TAOK3: variants seen among roughly 807,000 people sequenced by gnomAD.
TAOK3 encodes the protein serine/threonine-protein kinase TAO3.
TAOK3 carries 40 observed loss-of-function variants against 120.4 expected under a neutral mutation model. The observed-to-expected ratio is 0.33, with a 90% CI of 0.26 to 0.43. The LOEUF (loss-of-function observed/expected upper bound fraction) is 0.43, where lower values mean the gene tolerates loss of function less well. TAOK3 is among the 20% of genes least tolerant of loss of function. The pLI is 1.00. For synonymous variants in TAOK3, 355 were observed against 387.5 expected, an observed-to-expected ratio of 0.92 and a Z score of 0.99; for missense variants, 821 against 1,112.1, an observed-to-expected ratio of 0.74 and a Z score of 3.72.
intron 1 of TAOK3, among the ~76,000 whole-genome samples, chr12:118,340,312 A>AAAAGT (rs1241330505): frequency 6.6e-6 from 1 of 152,222 alleles, no homozygotes; most frequent in Non-Finnish European, 1.5e-5. Flanking sequence ...GAAAGGGAAG[A>AAAAGT]AAAGTAAAGG....
chr12:118,308,967 T>A (rs2043160166), intron 1 of TAOK3, among the ~76,000 whole-genome samples: 1 of 139,658 alleles, frequency 7.2e-6, no homozygotes, highest in Non-Finnish European at 1.5e-5. Flanking sequence ...AAAGCCTGTA[T>A]GGTTGTAATT....
Position 118,161,033 on chromosome 12 carries a change from G to A in TAOK3, c.2140-675C>T, listed in dbSNP as rs2035186665. Among the ~76,000 whole-genome samples the A allele has an allele frequency of 6.6e-6, 1 of 152,200 alleles. No homozygotes were observed. The highest frequency in any genetic ancestry group is 2.4e-5 in the African/African-American group (1 of 41,436). On this transcript the variant is annotated intron_variant, in intron 18 of 20. Transcript: ENST00000392533. The surrounding 1 kb of genome is among the most constrained non-coding windows in gnomAD (Gnocchi z 4.5). ...GAGTATATTATTTTGAGCCCAGAAG[G>A]CATTCCATCAGGTTGCCCCACAGTC...
chr12:118,273,634 G>T (rs1006394379), intron 1 of TAOK3, among the ~76,000 whole-genome samples: 1 of 152,128 alleles, frequency 6.6e-6, no homozygotes, highest in African/African-American at 2.4e-5. Flanking sequence ...GGTCAACATG[G>T]TAAAACCCGT....
chr12:118,280,726 C>A (rs2042070588), intron 1 of TAOK3, among the ~76,000 whole-genome samples: 2 of 152,182 alleles, frequency 1.3e-5, no homozygotes, highest in African/African-American at 4.8e-5. Context: ...GTTTCTAATT[C>A]TGTGAAGAAT....
At chr12:118,349,822 C>T (rs2045056963) in intron 1 of TAOK3, among the ~76,000 whole-genome samples, 1 of 152,074 alleles carries the variant, frequency 6.6e-6, no homozygotes, top group Non-Finnish European at 1.5e-5. Flanking sequence ...ATGACAGCTT[C>T]AATTTGTGGT....
intron 17 of TAOK3, among the ~76,000 whole-genome samples, chr12:118,163,868 C>T (rs1415381798): frequency 6.6e-6 from 1 of 152,066 alleles, no homozygotes. Flanking sequence ...CATGCCACCA[C>T]GCCTGGCTAA....
intron 13 of TAOK3, among the ~76,000 whole-genome samples, chr12:118,191,093 TTTC>T (rs2037409464): frequency 6.6e-6 from 1 of 152,232 alleles, no homozygotes. Flanking sequence ...TAATGGCTTT[TTTC>T]TTCATCAGGA....
At position 118,230,460 on chromosome 12, in the gene TAOK3, G is replaced by GTT. The variant is rs71069433; in HGVS notation, c.643+3212_643+3213dup. 6.2e-3 allele frequency among the ~76,000 whole-genome samples: 311 copies of GTT among 50,058 alleles called. 82 individuals are homozygous for GTT. Among genetic ancestry groups the GTT allele is most frequent in the Non-Finnish European group, 8.4e-3 (232 of 27,616 alleles). 32.8% of individuals were successfully genotyped at this position (50,058 alleles called of 152,430 possible). A position where few individuals can be genotyped will look rare whatever the true frequency, so the allele number is the denominator to read the frequency against. On this transcript the variant is annotated intron_variant, in intron 9 of 20. Transcript: ENST00000392533. ...GACTTCTGGGATTACCCTGTGAAGTGTTTTTTTTTTTTTTTTTTTTTTTTT... is the reference window on the plus strand; with the variant it reads ...GACTTCTGGGATTACCCTGTGAAGTGTTTTTTTTTTTTTTTTTTTTTTTTTTT...
In TAOK3 at chr12:118,305,777, G is replaced by A. The variant is rs551583393; in HGVS notation, c.-193-39018C>T. 5.3e-5 allele frequency among the ~76,000 whole-genome samples: 8 copies of A among 151,542 alleles called. No homozygotes were observed. The South Asian group carries it at 1.7e-3, about 32-fold the overall frequency. On this transcript the variant is annotated intron_variant, in intron 1 of 20. Transcript: ENST00000392533. ...AAATTAGCAGGGTGTGGTGGCGGGT[G>A]CCTGTAATCCCAGCTATTTGGGAGG...
chr12:118,217,730 CTATA>C (rs1212461956), intron 9 of TAOK3, among the ~76,000 whole-genome samples: 16 of 143,420 alleles, frequency 1.1e-4, no homozygotes, highest in Non-Finnish European at 1.8e-4. Context: ...TAGTCTCTCT[CTATA>C]TATAGACAGT....
intron 13 of TAOK3, among the ~76,000 whole-genome samples, chr12:118,197,382 G>C (rs774670664): frequency 2.6e-5 from 4 of 152,060 alleles, no homozygotes; most frequent in Non-Finnish European, 5.9e-5. Context: ...CACACATCAG[G>C]GAGAGAAAAG....
chr12:118,219,952 C>T (rs954725445), intron 9 of TAOK3, among the ~76,000 whole-genome samples: 2 of 150,334 alleles, frequency 1.3e-5, no homozygotes, highest in African/African-American at 4.9e-5. Flanking sequence ...TCTTTCCTCC[C>T]TCTCTCCAAC....
chr12:118,363,018 C>CAAAAAAAAAAAAAAAAAAAAA (rs60475060), intron 1 of TAOK3, among the ~76,000 whole-genome samples: 31 of 45,890 alleles, frequency 6.8e-4, no homozygotes, highest in South Asian at 9.6e-4. Flanking sequence ...GACTCCGTAT[C>CAAAAAAAAAAAAAAAAAAAAA]AAAAAAAAAA....
intron 11 of TAOK3, among the ~76,000 whole-genome samples, chr12:118,211,512 C>T (rs1190506610): frequency 6.6e-6 from 1 of 151,246 alleles, no homozygotes; most frequent in Non-Finnish European, 1.5e-5. Flanking sequence ...TATGTTTTTT[C>T]TCTTCCATTT....
At chr12:118,298,650 A>G (rs1407132620) in intron 1 of TAOK3, among the ~76,000 whole-genome samples, 3 of 152,220 alleles carry the variant, frequency 2.0e-5, no homozygotes, top group Admixed American at 6.5e-5. Flanking sequence ...AGTAACAATA[A>G]TGAAGACAAA....
intron 1 of TAOK3, among the ~76,000 whole-genome samples, chr12:118,358,463 A>C (rs916837711): frequency 2.0e-5 from 3 of 152,222 alleles, no homozygotes; most frequent in Non-Finnish European, 2.9e-5. Context: ...GTTACTTTTA[A>C]AGATCTCTAG....
At chr12:118,162,683 G>A (rs140025506) in intron 17 of TAOK3, among the ~76,000 whole-genome samples, 3 of 152,114 alleles carry the variant, frequency 2.0e-5, no homozygotes, top group African/African-American at 4.8e-5. Flanking sequence ...AAACAGATGA[G>A]ATCTCTCCCC....
At chr12:118,313,582 G>T (rs73412973) in intron 1 of TAOK3, among the ~76,000 whole-genome samples, 191 of 152,226 alleles carry the variant, frequency 1.3e-3, no homozygotes, top group African/African-American at 4.5e-3. Flanking sequence ...GCTGAGAAAG[G>T]CTGTTTCTTA....
intron 15 of TAOK3, among the ~76,000 whole-genome samples, chr12:118,179,545 T>C (rs1349043274): frequency 6.6e-6 from 1 of 151,956 alleles, no homozygotes; most frequent in East Asian, 1.9e-4. Context: ...GATGTATACA[T>C]ATGTAACAAA....
Sources: gnomAD v4.1 joint callset for allele counts (sites outside exome capture counted in the v4.1 genomes callset) on GRCh38, gnomAD v4.1.1 for gene constraint, Gnocchi (gnomAD v3.1) non-coding constraint, MANE v1.5 for transcripts, NCBI Gene and HGNC (gene_info 2026-07-23, HGNC 2026-07-21) for gene names.